Variants in SNTG1 observed in about 807,000 individuals in gnomAD.
The protein encoded by SNTG1 is gamma-1-syntrophin.
Under a neutral mutation model 74.7 loss-of-function variants are expected in SNTG1, and 39 were observed. That is an observed-to-expected ratio of 0.52 (90% CI 0.40 to 0.68). The LOEUF (loss-of-function observed/expected upper bound fraction) is 0.68. Ranked by LOEUF, SNTG1 falls within the 30% of genes least tolerant of loss-of-function variation. The pLI, the probability that SNTG1 is intolerant of heterozygous loss-of-function variation, is 0.00. For missense variants in SNTG1, 685 were observed against 609.5 expected (o/e 1.12, Z -1.30); for synonymous variants, 254 against 217.1 (o/e 1.17, Z -1.49).
At chr8:50,017,010 CAACAAAAAGAAAATTAAACATTCCAGAA>C (rs1406597247) in intron 1 of SNTG1, among the ~76,000 whole-genome samples, 1 of 151,950 alleles carries the variant, frequency 6.6e-6, no homozygotes, top group Non-Finnish European at 1.5e-5. Flanking sequence ...TCATATTCAA[CAACAAAAAGAAAATTAAACATTCCAGAA>C]AACAAAAACT....
At chr8:49,945,827 G>A (rs1051359299) in intron 1 of SNTG1, among the ~76,000 whole-genome samples, 31 of 152,192 alleles carry the variant, frequency 2.0e-4, no homozygotes, top group Admixed American at 2.0e-3. Flanking sequence ...GAGCAGGCCC[G>A]GACCCTTTGT....
chr8:50,583,386 G>A (rs1330656178), intron 12 of SNTG1, among the ~76,000 whole-genome samples: 4 of 119,340 alleles, frequency 3.4e-5, no homozygotes, highest in African/African-American at 5.8e-5. Flanking sequence ...GGGCGACAGA[G>A]TGAGACTCAA....
chr8:50,005,955 CTTTTTTTTTTTTTTT>C (rs57041850), intron 1 of SNTG1, among the ~76,000 whole-genome samples: 1 of 89,376 alleles, frequency 1.1e-5, no homozygotes, highest in African/African-American at 7.3e-5. Flanking sequence ...ATTACTTGCA[CTTTTTTTTTTTTTTT>C]TTTTTTTTTT....
At chr8:50,773,387 C>G (rs1040868168) in intron 18 of SNTG1, among the ~76,000 whole-genome samples, 3 of 151,994 alleles carry the variant, frequency 2.0e-5, no homozygotes, top group Non-Finnish European at 4.4e-5. Context: ...TTCTGGCTAG[C>G]CTTAAAGATC....
chr8:50,304,979 T>C (rs1367162964), intron 2 of SNTG1, among the ~76,000 whole-genome samples: 3 of 152,168 alleles, frequency 2.0e-5, no homozygotes, highest in Non-Finnish European at 4.4e-5. Flanking sequence ...CTCGGCTCAC[T>C]GCAACCTCCA....
chr8:50,584,998 G>A (rs1278821498), intron 12 of SNTG1, among the ~76,000 whole-genome samples: 2 of 152,062 alleles, frequency 1.3e-5, no homozygotes, highest in African/African-American at 4.8e-5. Flanking sequence ...CCAGTATTTG[G>A]GAAGAAGGGG....
chr8:49,937,325 C>T (rs890437460), intron 1 of SNTG1, among the ~76,000 whole-genome samples: 3 of 152,070 alleles, frequency 2.0e-5, no homozygotes, highest in Non-Finnish European at 2.9e-5. Flanking sequence ...GAAGCAGGAA[C>T]GTCAGGAGAA....
At chr8:50,121,860 C>T (rs1455239213) in intron 1 of SNTG1, among the ~76,000 whole-genome samples, 2 of 141,896 alleles carry the variant, frequency 1.4e-5, no homozygotes, top group African/African-American at 2.5e-5. Context: ...AATGTTTAAG[C>T]TTGAAACTAA....
At chr8:50,168,860 C>G (rs961547345) in intron 1 of SNTG1, among the ~76,000 whole-genome samples, 2 of 152,162 alleles carry the variant, frequency 1.3e-5, no homozygotes, top group African/African-American at 4.8e-5. Flanking sequence ...CCAAATTTAA[C>G]ATCTTGCATA....
At chr8:50,518,076 T>C (rs2094148832) in intron 9 of SNTG1, among the ~76,000 whole-genome samples, 1 of 152,088 alleles carries the variant, frequency 6.6e-6, no homozygotes, top group African/African-American at 2.4e-5. Flanking sequence ...CCTCTGCAAA[T>C]ACAAGAGAAT....
intron 13 of SNTG1, among the ~76,000 whole-genome samples, chr8:50,653,100 C>A (rs2095158410): frequency 6.6e-6 from 1 of 151,590 alleles, no homozygotes; most frequent in Non-Finnish European, 1.5e-5. Context: ...TTTTCTTTTG[C>A]TTTTGTTTTT....
intron 1 of SNTG1, among the ~76,000 whole-genome samples, chr8:49,994,618 G>C (rs1814026930): frequency 6.6e-6 from 1 of 151,652 alleles, no homozygotes; most frequent in Non-Finnish European, 1.5e-5. Flanking sequence ...CTGAATTGTA[G>C]TAACCCAAGA....
chr8:50,732,934 T>C (rs1911835), intron 17 of SNTG1, among the ~76,000 whole-genome samples: 65,690 of 151,764 alleles, frequency 0.43, 16,451 homozygotes, highest in African/African-American at 0.7. Flanking sequence ...GTATTTTGTG[T>C]ATTTTTTTCA....
chr8:50,770,605 A>C (rs1325006582), intron 18 of SNTG1, among the ~76,000 whole-genome samples: 1 of 152,046 alleles, frequency 6.6e-6, no homozygotes, highest in Admixed American at 6.6e-5. Flanking sequence ...TAGAGAAGTC[A>C]ATTTGCAGGC....
chr8:50,557,708 G>A (rs2094464708), intron 12 of SNTG1, among the ~76,000 whole-genome samples: 1 of 152,214 alleles, frequency 6.6e-6, no homozygotes, highest in African/African-American at 2.4e-5. Flanking sequence ...AACTGAAGTA[G>A]ATCTGCAAGG....
intron 2 of SNTG1, among the ~76,000 whole-genome samples, chr8:50,262,333 A>G (rs1236562356): frequency 6.6e-6 from 1 of 152,234 alleles, no homozygotes; most frequent in South Asian, 2.1e-4. Context: ...AAGCAATAAT[A>G]ATTAAAATTA....
intron 12 of SNTG1, among the ~76,000 whole-genome samples, chr8:50,554,399 T>G (rs1024087713): frequency 6.6e-6 from 1 of 152,104 alleles, no homozygotes; most frequent in Non-Finnish European, 1.5e-5. Context: ...TCTTCAAAAC[T>G]CTGTGTCACG....
intron 4 of SNTG1, among the ~76,000 whole-genome samples, chr8:50,433,584 T>C (rs1373686393): frequency 6.6e-6 from 1 of 152,078 alleles, no homozygotes; most frequent in Admixed American, 6.6e-5. Context: ...AACTTGGATC[T>C]TGGTCAAGTT....
chr8:50,487,700 G>GC (rs3036644), intron 8 of SNTG1, among the ~76,000 whole-genome samples: 6 of 146,416 alleles, frequency 4.1e-5, no homozygotes, highest in Non-Finnish European at 7.5e-5. Flanking sequence ...GGTCGGAGGG[G>GC]GGGGAGGGAT....
Sources: allele counts gnomAD v4.1 joint callset (sites outside exome capture counted in the v4.1 genomes callset), GRCh38; gene constraint gnomAD v4.1.1; transcripts MANE v1.5; gene names NCBI Gene and HGNC (gene_info 2026-07-23, HGNC 2026-07-21).